Variants in MPDZ observed in about 807,000 individuals in gnomAD.
MPDZ encodes multiple PDZ domain protein.
A neutral mutation model predicts 239.1 loss-of-function variants in MPDZ; 234 were observed. The observed-to-expected ratio is 0.98, with a 90% CI of 0.88 to 1.09. MPDZ has a LOEUF of 1.09. Ranked by LOEUF, MPDZ falls within the 50% of genes least tolerant of loss-of-function variation. The pLI is 0.00. For missense variants in MPDZ, 3,175 were observed against 2,510.0 expected, an observed-to-expected ratio of 1.26 and a Z score of -5.66; for synonymous variants, 1,048 against 881.3, an observed-to-expected ratio of 1.19 and a Z score of -3.35.
At chr9:13,233,545 A>G (rs1963138346) in intron 3 of MPDZ, among the ~76,000 whole-genome samples, 1 of 152,142 alleles carries the variant, frequency 6.6e-6, no homozygotes, top group Non-Finnish European at 1.5e-5. Flanking sequence ...ATGAGTGCTG[A>G]TCATTTTCCA....
chr9:13,156,649 T>A (rs1487380757), intron 24 of MPDZ, among the ~76,000 whole-genome samples: 2 of 152,148 alleles, frequency 1.3e-5, no homozygotes, highest in Non-Finnish European at 2.9e-5. Context: ...AAGATGAGAT[T>A]TGGGTGGGGA....
chr9:13,224,408 T>C lies in MPDZ; in HGVS notation c.359A>G (p.Asp120Gly), dbSNP rs759996757. The change falls in exon 4 of 47, where the codon GAT (aspartate) becomes GGT (glycine). Residue 120 changes from aspartate to glycine, a missense_variant. By Grantham distance (94) the Asp-to-Gly change is moderately conservative. Coordinates refer to ENST00000319217, the MANE Select transcript of MPDZ (RefSeq NM_001378778.1). ...ATTTTTGATAAGCTGATCAAATTCA[T>C]CACAAGCAGGTTTCCCATTAATGTG... ...IPHINGKPAC[D>G]EFDQLIKNMA... 3.1e-6 allele frequency: 5 copies of C among 1,612,594 alleles called. No homozygotes were observed. The highest frequency in any genetic ancestry group is 1.3e-5 in the African/African-American group (1 of 74,846).
chr9:13,273,371 T>C (rs137983713), intron 1 of MPDZ, among the ~76,000 whole-genome samples: 109 of 152,332 alleles, frequency 7.2e-4, no homozygotes, highest in African/African-American at 2.5e-3. Flanking sequence ...AGTGATATCT[T>C]ATGAACACAG....
At chr9:13,155,415 ACTAT>A (rs1385325677) in intron 24 of MPDZ, among the ~76,000 whole-genome samples, 1 of 152,290 alleles carries the variant, frequency 6.6e-6, no homozygotes. Flanking sequence ...ATAACTATTA[ACTAT>A]CTAATATGAA....
chr9:13,251,586 C>T (rs991544469), intron 1 of MPDZ, among the ~76,000 whole-genome samples: 3 of 152,154 alleles, frequency 2.0e-5, no homozygotes, highest in African/African-American at 7.2e-5. Flanking sequence ...TACCACCACA[C>T]GTTCTCATTT....
intron 14 of MPDZ, 91 bp downstream of exon 14, chr9:13,193,076 T>C: frequency 8.1e-7 from 1 of 1,237,656 alleles, no homozygotes; most frequent in South Asian, 3.1e-5. Flanking sequence ...GGAGGGGAAA[T>C]TTAAAATGAG....
chr9:13,205,518 G>A (rs917352873), intron 11 of MPDZ, among the ~76,000 whole-genome samples: 2 of 152,148 alleles, frequency 1.3e-5, no homozygotes, highest in Non-Finnish European at 2.9e-5. Context: ...TCAAGGAAAG[G>A]CTGGGCATTT....
At chr9:13,245,518 T>C (rs1966402528) in intron 3 of MPDZ, among the ~76,000 whole-genome samples, 1 of 152,138 alleles carries the variant, frequency 6.6e-6, no homozygotes, top group South Asian at 2.1e-4. Flanking sequence ...TCTAAGCCAC[T>C]GTAATCTACA....
At chr9:13,239,010 A>C (rs1964747489) in intron 3 of MPDZ, among the ~76,000 whole-genome samples, 1 of 152,206 alleles carries the variant, frequency 6.6e-6, no homozygotes. Context: ...CCATATGAAC[A>C]AAAGATTTTT....
intron 10 of MPDZ, among the ~76,000 whole-genome samples, chr9:13,213,061 T>C (rs530953136): frequency 6.6e-6 from 1 of 152,220 alleles, no homozygotes; most frequent in East Asian, 1.9e-4. Flanking sequence ...TATTTAATAA[T>C]TTTTATCAAT....
At chr9:13,227,185 G>A (rs567845298) in intron 3 of MPDZ, among the ~76,000 whole-genome samples, 30 of 151,900 alleles carry the variant, frequency 2.0e-4, no homozygotes, top group Non-Finnish European at 4.1e-4. Flanking sequence ...AAATAAAACA[G>A]AAAACTCATT....
intron 3 of MPDZ, among the ~76,000 whole-genome samples, chr9:13,246,598 GACTTA>G (rs1435291294): frequency 6.6e-6 from 1 of 152,048 alleles, no homozygotes; most frequent in Non-Finnish European, 1.5e-5. Flanking sequence ...GATTCTTCTT[GACTTA>G]ACTTTTTTTG....
chr9:13,263,876 CAAT>C (rs1399890581), intron 1 of MPDZ, among the ~76,000 whole-genome samples: 1 of 152,066 alleles, frequency 6.6e-6, no homozygotes, highest in Non-Finnish European at 1.5e-5. Context: ...ATTCAAATGA[CAAT>C]AAAATGAACA....
chr9:13,138,284 A>G, intron 28 of MPDZ, 131 bp from the exon 29 acceptor site: 1 of 1,037,336 alleles, frequency 9.6e-7, no homozygotes, highest in Non-Finnish European at 1.3e-6. Flanking sequence ...GACAGTTAAA[A>G]GCTAAATAGA....
chr9:13,172,522 A>G (rs546200007), intron 21 of MPDZ, among the ~76,000 whole-genome samples: 1 of 151,872 alleles, frequency 6.6e-6, no homozygotes, highest in African/African-American at 2.4e-5. Context: ...AGCTGGGATT[A>G]CAGGTGCCCA....
rs1967658284 is a variant in MPDZ, at chr9:13,250,502, TA to T, written c.-57-131del. ...AAAATCTTGTTGATACAACTTAAGA[TA>T]GTTCGCTTTACAGACAATAAAGTAA... On this transcript the variant is annotated intron_variant, in intron 1 of 46. Transcript: ENST00000319217. 5.7e-6 allele frequency: 3 copies of T among 522,050 alleles called. No individual in the cohort carries two copies. The Admixed American group carries it at 1.0e-4, about 18-fold the overall frequency. 32.3% of individuals were successfully genotyped at this position (522,050 alleles called of 1,614,324 possible).
chr9:13,166,603 G>A (rs1478763997), intron 22 of MPDZ, among the ~76,000 whole-genome samples: 1 of 152,016 alleles, frequency 6.6e-6, no homozygotes, highest in African/African-American at 2.4e-5. Flanking sequence ...TCCAGAGGAG[G>A]GAAGGTTGTA....
intron 21 of MPDZ, among the ~76,000 whole-genome samples, chr9:13,169,828 C>G (rs1420259768): frequency 1.3e-5 from 2 of 152,146 alleles, no homozygotes; most frequent in African/African-American, 2.4e-5. Flanking sequence ...TCCCTAAGTT[C>G]TAGCCACAAA....
At chr9:13,233,476 A>G (rs748976483) in intron 3 of MPDZ, among the ~76,000 whole-genome samples, 7 of 152,158 alleles carry the variant, frequency 4.6e-5, no homozygotes, top group Admixed American at 3.9e-4. Flanking sequence ...TCCGAGATAA[A>G]GTCAAAATAG....
Sources: allele counts gnomAD v4.1 joint callset (sites outside exome capture counted in the v4.1 genomes callset), GRCh38; gene constraint gnomAD v4.1.1; transcripts MANE v1.5; gene names NCBI Gene and HGNC (gene_info 2026-07-23, HGNC 2026-07-21).